Variants in STX19 observed in about 807,000 individuals in gnomAD.
The protein encoded by STX19 is syntaxin-19.
Under a neutral mutation model 24.3 loss-of-function variants are expected in STX19, and 26 were observed. The observed-to-expected ratio is 1.07, with a 90% CI of 0.78 to 1.48. The LOEUF is 1.48. Ranked by LOEUF, STX19 falls within the 40% of genes most tolerant of loss-of-function variation. The pLI, the probability that STX19 is intolerant of heterozygous loss-of-function variation, is 0.00. For synonymous variants in STX19, 116 were observed against 106.9 expected (o/e 1.09, Z -0.52); for missense variants, 367 against 331.9 (o/e 1.11, Z -0.82).
At chr3:94,021,317 C>G (rs2076444746) in intron 1 of STX19, among the ~76,000 whole-genome samples, 1 of 151,772 alleles carries the variant, frequency 6.6e-6, no homozygotes. Flanking sequence ...GCGTCAGCCT[C>G]CCGAGTTCCT....
At chr3:94,026,893 A>G (rs1483268410) in intron 1 of STX19, among the ~76,000 whole-genome samples, 1 of 152,174 alleles carries the variant, frequency 6.6e-6, no homozygotes, top group Non-Finnish European at 1.5e-5. Context: ...CGTATGTATG[A>G]TAATCAACTT....
chr3:94,014,443 T>C lies in STX19; in HGVS notation c.827A>G (p.Lys276Arg). 1 of 1,595,526 alleles carries C rather than the reference T, an allele frequency of 6.3e-7. No individual in the cohort carries two copies. The highest frequency in any genetic ancestry group is 1.8e-5 in the Admixed American group (1 of 55,566). Residue 276 changes from lysine (K) to arginine (R), a missense_variant, in exon 2 of 2, where the codon AAA (lysine) becomes AGA (arginine). Coordinates refer to ENST00000315099, the MANE Select transcript of STX19 (RefSeq NM_001001850.3). Reference protein sequence around the residue: ...EKFGLAVKYKKRNPCRVLCCW... With the variant: ...EKFGLAVKYKRRNPCRVLCCW... ...ACACAGTACTCTGCAAGGATTTCTT[T>C]TTTTGTATTTTACAGCTAGTCCAAA...
At chr3:94,023,853 G>T (rs1053855145) in intron 1 of STX19, among the ~76,000 whole-genome samples, 6 of 152,040 alleles carry the variant, frequency 3.9e-5, no homozygotes, top group Admixed American at 6.6e-5. Context: ...AGATAATATA[G>T]CATATAGGAT....
intron 1 of STX19, among the ~76,000 whole-genome samples, chr3:94,015,840 C>G (rs1165638990): frequency 6.6e-6 from 1 of 152,078 alleles, no homozygotes. Flanking sequence ...TAACGTATTA[C>G]TTGGCATAAT....
At chr3:94,019,000 A>G (rs1002639621) in intron 1 of STX19, among the ~76,000 whole-genome samples, 3 of 152,110 alleles carry the variant, frequency 2.0e-5, no homozygotes, top group Non-Finnish European at 2.9e-5. Context: ...TCCTGATCTC[A>G]GGCGATCCGC....
intron 1 of STX19, among the ~76,000 whole-genome samples, chr3:94,017,737 T>C (rs1006669229): frequency 2.6e-5 from 4 of 152,150 alleles, no homozygotes; most frequent in Non-Finnish European, 4.4e-5. Context: ...ATTTGAGATG[T>C]GAGACTGAAT....
In STX19 at chr3:94,014,834, G is replaced by C; in HGVS notation, c.436C>G (p.Gln146Glu). ...GTGTCATTGTATATAAACATGATTT[G>C]CTGAAAATGGCGGAACATTGCAGCA... ...QHAAMFRHFQ[Q>E]IMFIYNDTIA... is the part of the protein sequence containing the mutation. The change falls in exon 2 of 2, where the codon CAA becomes GAA. Residue 146 changes from glutamine to glutamate, a missense_variant. By Grantham distance (29) the Gln-to-Glu change is conservative. Coordinates refer to ENST00000315099, the MANE Select transcript of STX19 (RefSeq NM_001001850.3). 1.2e-6 allele frequency: 2 copies of C among 1,613,976 alleles called. No homozygotes were observed. Among genetic ancestry groups the C allele is most frequent in the African/African-American group, 1.3e-5 (1 of 75,006 alleles).
intron 1 of STX19, among the ~76,000 whole-genome samples, chr3:94,026,221 G>A (rs769266105): frequency 1.3e-4 from 20 of 152,098 alleles, no homozygotes; most frequent in Non-Finnish European, 2.2e-4. Flanking sequence ...GGGTTTCACC[G>A]TGTGAGCCAG....
chr3:94,024,981 G>T (rs1322336801), intron 1 of STX19, among the ~76,000 whole-genome samples: 1 of 152,068 alleles, frequency 6.6e-6, no homozygotes, highest in Non-Finnish European at 1.5e-5. Context: ...ATTTCAAATT[G>T]CTATTGGAGC....
chr3:94,028,465 T>C lies in STX19; in HGVS notation c.-112A>G, dbSNP rs1576011321. 1 of 152,388 alleles carries C rather than the reference T, an allele frequency of 6.6e-6. No homozygotes were observed. The highest frequency in any genetic ancestry group is 1.9e-4 in the East Asian group (1 of 5,194). The allele number at this position is 152,388 out of a possible 1,614,324, so 9.4% of individuals were successfully genotyped here. A position where few individuals can be genotyped will look rare whatever the true frequency, so the allele number is the denominator to read the frequency against. On this transcript the variant is annotated 5_prime_UTR_variant, in exon 1 of 2. Transcript: ENST00000315099. ...ATCATCTCATGTTTTGAACAAATTA[T>C]CTAAATCTCTGTCTTATAGGGCACA...
At chr3:94,017,512 G>A (rs1403473285) in intron 1 of STX19, among the ~76,000 whole-genome samples, 2 of 151,994 alleles carry the variant, frequency 1.3e-5, no homozygotes, top group Non-Finnish European at 2.9e-5. Flanking sequence ...CCAATGTCCT[G>A]GTAATATTCC....
intron 1 of STX19, among the ~76,000 whole-genome samples, chr3:94,020,643 T>C (rs2076427641): frequency 6.6e-6 from 1 of 152,208 alleles, no homozygotes; most frequent in African/African-American, 2.4e-5. Context: ...AGGTGTTTTA[T>C]AGATATTAAA....
At chr3:94,018,282 G>A (rs577255917) in intron 1 of STX19, among the ~76,000 whole-genome samples, 1 of 149,930 alleles carries the variant, frequency 6.7e-6, no homozygotes, top group South Asian at 2.2e-4. Flanking sequence ...TCACAGAAGA[G>A]ACTTTAATGA....
intron 1 of STX19, among the ~76,000 whole-genome samples, chr3:94,026,476 T>C (rs911507548): frequency 6.6e-6 from 1 of 152,226 alleles, no homozygotes; most frequent in African/African-American, 2.4e-5. Flanking sequence ...TATGTTTATA[T>C]GCTGTATATA....
chr3:94,021,691 T>C (rs1207962293), intron 1 of STX19, among the ~76,000 whole-genome samples: 2 of 152,164 alleles, frequency 1.3e-5, no homozygotes, highest in Admixed American at 6.5e-5. Flanking sequence ...TTAAAGTAGG[T>C]TGGCTTAGTA....
rs566287861 is a variant in STX19, at chr3:94,028,445, C to T, written c.-92G>A. On this transcript the variant is annotated 5_prime_UTR_variant, in exon 1 of 2. Transcript: ENST00000315099. ...CTTTGAGAGAATATCTGAATATCAT[C>T]TCATGTTTTGAACAAATTATCTAAA... 6.6e-6 allele frequency: 1 copy of T among 152,358 alleles called. No homozygotes were observed. Among genetic ancestry groups the T allele is most frequent in the African/African-American group, 2.4e-5 (1 of 41,600 alleles). 9.4% of individuals were successfully genotyped at this position (152,358 alleles called of 1,614,324 possible).
chr3:94,014,392 G>A lies in STX19; in HGVS notation c.878C>T (p.Ser293Leu). The change falls in exon 2 of 2, where the codon TCA becomes TTA. Residue 293 changes from serine to leucine, a missense_variant. Physicochemically the swap from Ser to Leu is moderately radical, Grantham distance 145. Coordinates refer to ENST00000315099, the MANE Select transcript of STX19 (RefSeq NM_001001850.3). ...AGTTTTAAAATAGCTTCTTTATTTTGAGCTACAGCATGGACAGCACCAACA... is the reference window on the plus strand; with the variant it reads ...AGTTTTAAAATAGCTTCTTTATTTTAAGCTACAGCATGGACAGCACCAACA... ...LCCWCCPCCS[S>L]K 1 of 1,522,936 alleles carries A rather than the reference G, an allele frequency of 6.6e-7. No individual in the cohort carries two copies. The highest frequency in any genetic ancestry group is 8.7e-7 in the Non-Finnish European group (1 of 1,143,272). The allele number at this position is 1,522,936 out of a possible 1,614,324, so 94.3% of individuals were successfully genotyped here.
At chr3:94,018,987 A>G (rs1230044195) in intron 1 of STX19, among the ~76,000 whole-genome samples, 1 of 152,060 alleles carries the variant, frequency 6.6e-6, no homozygotes, top group African/African-American at 2.4e-5. Context: ...GCTGGTCGCA[A>G]ACTCCTGATC....
At chr3:94,020,448 A>G (rs192553779) in intron 1 of STX19, among the ~76,000 whole-genome samples, 1 of 152,300 alleles carries the variant, frequency 6.6e-6, no homozygotes, top group African/African-American at 2.4e-5. Flanking sequence ...ATACGACAGT[A>G]TAGCATACTA....
Sources: allele counts gnomAD v4.1 joint callset (sites outside exome capture counted in the v4.1 genomes callset), GRCh38; gene constraint gnomAD v4.1.1; transcripts MANE v1.5; gene names NCBI Gene and HGNC (gene_info 2026-07-23, HGNC 2026-07-21).